Variants in CSMD1 observed in about 807,000 individuals in gnomAD.
The protein encoded by CSMD1 is CUB and sushi domain-containing protein 1.
CSMD1 carries 213 observed loss-of-function variants against 417.5 expected under a neutral mutation model. The ratio of observed to expected loss-of-function variants is 0.51; its 90% confidence interval spans 0.46 to 0.57. CSMD1 has a LOEUF of 0.57. CSMD1 is among the 20% of genes least tolerant of loss of function. CSMD1 has a pLI of 0.00. For missense variants in CSMD1, 6,923 were observed against 4,529.7 expected (o/e 1.53, Z -15.17); for synonymous variants, 2,862 against 1,736.8 (o/e 1.65, Z -16.11).
intron 12 of CSMD1, among the ~76,000 whole-genome samples, chr8:3,418,404 C>G (rs756133379): frequency 1.3e-5 from 2 of 152,142 alleles, no homozygotes; most frequent in Non-Finnish European, 2.9e-5. Context: ...TGTTGGTGAT[C>G]CTGCCCAGAA....
chr8:3,310,296 G>A (rs1332463844), intron 23 of CSMD1, among the ~76,000 whole-genome samples: 1 of 152,146 alleles, frequency 6.6e-6, no homozygotes, highest in East Asian at 1.9e-4. Flanking sequence ...TCGCAGAGAG[G>A]AAAAAAGAAG....
At chr8:4,128,724 G>T (rs4392919) in intron 3 of CSMD1, among the ~76,000 whole-genome samples, 23,389 of 151,860 alleles carry the variant, frequency 0.15, 1,930 homozygotes, top group Middle Eastern at 0.19. Flanking sequence ...ATCCTTGCTG[G>T]ATACTTATAC....
At chr8:3,554,440 G>C (rs1434655851) in intron 10 of CSMD1, among the ~76,000 whole-genome samples, 1 of 152,192 alleles carries the variant, frequency 6.6e-6, no homozygotes, top group Non-Finnish European at 1.5e-5. Flanking sequence ...GGAGCTGGGG[G>C]AGCAGAGAAC....
chr8:3,244,643 GCA>G (rs1799762594), intron 26 of CSMD1, among the ~76,000 whole-genome samples: 3 of 152,178 alleles, frequency 2.0e-5, no homozygotes, highest in African/African-American at 7.2e-5. Flanking sequence ...CATTTTGGGG[GCA>G]GCTTTGATTC....
intron 1 of CSMD1, among the ~76,000 whole-genome samples, chr8:4,822,360 T>C (rs1297270377): frequency 6.6e-6 from 1 of 152,124 alleles, no homozygotes; most frequent in Non-Finnish European, 1.5e-5. Context: ...AGGACAAAAA[T>C]GTGTTCATTG....
At position 3,937,196 on chromosome 8, in the gene CSMD1, T is replaced by C. The variant is rs2688300; in HGVS notation, c.818+60707A>G. Among the ~76,000 whole-genome samples the C allele has an allele frequency of 7.6e-3, 1,163 of 152,286 alleles. 45 individuals carry two copies. The East Asian group carries it at 0.1, about 14-fold the overall frequency. On this transcript the variant is annotated intron_variant, in intron 5 of 69. Coordinates refer to ENST00000635120, the MANE Select transcript of CSMD1 (RefSeq NM_033225.6). ...CTCCTGGTGAAGATGCTGTGAACAT[T>C]GTTGAAATGACAACAAAAGATTGTG...
intron 5 of CSMD1, among the ~76,000 whole-genome samples, chr8:3,888,588 C>T (rs1017064879): frequency 4.6e-5 from 7 of 152,102 alleles, no homozygotes; most frequent in Non-Finnish European, 8.8e-5. Context: ...CTAATAATGG[C>T]CCAGCTGCAT....
chr8:3,748,479 A>G (rs755776833), intron 6 of CSMD1, among the ~76,000 whole-genome samples: 3 of 152,178 alleles, frequency 2.0e-5, no homozygotes, highest in Non-Finnish European at 4.4e-5. Context: ...TGAGGGGAAT[A>G]GGAGCACTTG....
rs183004673 is a variant in CSMD1, at chr8:4,177,603, G to C, written c.416-145504C>G. ...TCAGAGCAGAACTGAAGGAAATAGA[G>C]ATGCAAATAACCCTTCAAAAAATTA... On this transcript the variant is annotated intron_variant, in intron 3 of 69. Coordinates refer to ENST00000635120, the MANE Select transcript of CSMD1 (RefSeq NM_033225.6). 4.4e-4 allele frequency among the ~76,000 whole-genome samples: 66 copies of C among 150,758 alleles called. 1 individual carries two copies. Among genetic ancestry groups the C allele is most frequent in the African/African-American group, 1.5e-3 (61 of 40,962 alleles).
intron 7 of CSMD1, among the ~76,000 whole-genome samples, chr8:3,706,064 A>C (rs941897835): frequency 6.6e-6 from 1 of 152,252 alleles, no homozygotes; most frequent in Non-Finnish European, 1.5e-5. Flanking sequence ...TAAGGCACGC[A>C]TGACGCGCTG....
chr8:4,404,197 G>A (rs896291088), intron 3 of CSMD1, among the ~76,000 whole-genome samples: 1 of 152,062 alleles, frequency 6.6e-6, no homozygotes, highest in Non-Finnish European at 1.5e-5. Flanking sequence ...CCTATAGCCT[G>A]ACAATCCGTA....
intron 11 of CSMD1, among the ~76,000 whole-genome samples, chr8:3,477,582 C>A (rs1428540357): frequency 6.6e-6 from 1 of 152,138 alleles, no homozygotes; most frequent in African/African-American, 2.4e-5. Flanking sequence ...AGTAAAATAC[C>A]AGTAATGAGT....
At chr8:4,308,790 T>TCA (rs1276394985) in intron 3 of CSMD1, among the ~76,000 whole-genome samples, 1 of 152,184 alleles carries the variant, frequency 6.6e-6, no homozygotes, top group African/African-American at 2.4e-5. Context: ...CAAAACTAAT[T>TCA]CACAGATGAG....
At chr8:3,010,801 T>C (rs1013321884) in intron 52 of CSMD1, among the ~76,000 whole-genome samples, 14 of 151,596 alleles carry the variant, frequency 9.2e-5, no homozygotes, top group African/African-American at 3.4e-4. Flanking sequence ...TGGAGTGTAA[T>C]GGCATGATCT....
At chr8:4,624,956 T>G (rs1340495075) in intron 2 of CSMD1, among the ~76,000 whole-genome samples, 1 of 152,166 alleles carries the variant, frequency 6.6e-6, no homozygotes, top group Non-Finnish European at 1.5e-5. Context: ...TTTCATAACA[T>G]AACTCTTTGA....
chr8:4,290,365 GGA>G (rs1305903362), intron 3 of CSMD1, among the ~76,000 whole-genome samples: 2 of 152,192 alleles, frequency 1.3e-5, no homozygotes, highest in African/African-American at 4.8e-5. Context: ...CTGAATGGAG[GGA>G]GAGAAGCCCA....
At chr8:3,268,952 C>T (rs1444414180) in intron 26 of CSMD1, among the ~76,000 whole-genome samples, 2 of 152,156 alleles carry the variant, frequency 1.3e-5, no homozygotes, top group African/African-American at 4.8e-5. Flanking sequence ...AGCTGATATT[C>T]TATTGAGTAA....
At chr8:4,686,625 A>C (rs1806403880) in intron 1 of CSMD1, among the ~76,000 whole-genome samples, 1 of 152,324 alleles carries the variant, frequency 6.6e-6, no homozygotes, top group South Asian at 2.1e-4. Context: ...CTACCTCTTC[A>C]TCAAAGCCAT....
chr8:3,359,645 G>C (rs944073460), intron 20 of CSMD1, among the ~76,000 whole-genome samples: 2 of 151,822 alleles, frequency 1.3e-5, no homozygotes, highest in African/African-American at 4.8e-5. Context: ...TGGATACAAG[G>C]ATACAGTTAG....
Sources: allele counts gnomAD v4.1 joint callset (sites outside exome capture counted in the v4.1 genomes callset), GRCh38; gene constraint gnomAD v4.1.1; transcripts MANE v1.5; gene names NCBI Gene and HGNC (gene_info 2026-07-23, HGNC 2026-07-21).